Variants in NRXN3 observed in about 807,000 individuals in gnomAD.
The protein encoded by NRXN3 is neurexin III.
A neutral mutation model predicts 137.6 loss-of-function variants in NRXN3; 32 were observed. The ratio of observed to expected loss-of-function variants is 0.23; its 90% CI spans 0.18 to 0.31. The LOEUF (loss-of-function observed/expected upper bound fraction) is 0.31. Ranked by LOEUF, NRXN3 falls within the 10% of genes least tolerant of loss-of-function variation. The pLI is 1.00. For synonymous variants in NRXN3, 798 were observed against 784.5 expected, an observed-to-expected ratio of 1.02 and a Z score of -0.29; for missense variants, 1,574 against 2,062.5, an observed-to-expected ratio of 0.76 and a Z score of 4.59.
chr14:78,753,456 A>G (rs1595525446), intron 8 of NRXN3, among the ~76,000 whole-genome samples: 2 of 152,258 alleles, frequency 1.3e-5, no homozygotes, highest in East Asian at 3.9e-4. Flanking sequence ...TTACAGTAAG[A>G]TATGTTACCT....
chr14:78,817,259 T>C (rs954334635), intron 10 of NRXN3, among the ~76,000 whole-genome samples: 2 of 152,190 alleles, frequency 1.3e-5, no homozygotes, highest in African/African-American at 2.4e-5. Flanking sequence ...TCCTCAATTG[T>C]AAGTTTCATA....
chr14:79,065,056 C>T (rs1008170749), intron 15 of NRXN3, among the ~76,000 whole-genome samples: 21 of 151,840 alleles, frequency 1.4e-4, no homozygotes, highest in East Asian at 1.2e-3. Flanking sequence ...ATACTTCAAA[C>T]GTTTAAAATA....
chr14:79,370,251 T>C (rs2094047947), intron 15 of NRXN3, among the ~76,000 whole-genome samples: 1 of 152,128 alleles, frequency 6.6e-6, no homozygotes, highest in South Asian at 2.1e-4. Flanking sequence ...ACTATTATAA[T>C]CTCTGTTTTA....
chr14:79,022,344 T>C (rs1418491718), intron 15 of NRXN3, among the ~76,000 whole-genome samples: 1 of 152,038 alleles, frequency 6.6e-6, no homozygotes, highest in African/African-American at 2.4e-5. Context: ...TTCCCAATTC[T>C]TTTTTTTAAA....
chr14:79,745,573 A>G (rs781402012), intron 19 of NRXN3, among the ~76,000 whole-genome samples: 1 of 152,204 alleles, frequency 6.6e-6, no homozygotes, highest in Non-Finnish European at 1.5e-5. Flanking sequence ...TCCACAAGAC[A>G]TGATGGGTCT....
intron 15 of NRXN3, among the ~76,000 whole-genome samples, chr14:79,050,436 G>A (rs12883534): frequency 0.023 from 3,577 of 152,252 alleles, 60 homozygotes; most frequent in Non-Finnish European, 0.034. Flanking sequence ...ATTGACAACA[G>A]CACAGTGGTT....
intron 6 of NRXN3, among the ~76,000 whole-genome samples, chr14:78,682,058 C>T (rs963927703): frequency 2.6e-5 from 4 of 151,784 alleles, no homozygotes; most frequent in Middle Eastern, 3.2e-3. Flanking sequence ...AGTAGAGATG[C>T]GGTTTCACCA....
At chr14:78,304,164 T>G (rs2077136200) in intron 4 of NRXN3, among the ~76,000 whole-genome samples, 1 of 152,182 alleles carries the variant, frequency 6.6e-6, no homozygotes. Context: ...GGTCATGAAG[T>G]AAGACCACGT....
At chr14:78,242,237 C>T (rs2153452654) in intron 1 of NRXN3, among the ~76,000 whole-genome samples, 154 bp from the exon 2 acceptor site, 1 of 152,246 alleles carries the variant, frequency 6.6e-6, no homozygotes, top group South Asian at 2.1e-4. Context: ...AACCCACGGC[C>T]TCCCTCCTGT....
intron 4 of NRXN3, among the ~76,000 whole-genome samples, chr14:78,644,826 A>G (rs542481375): frequency 1.3e-5 from 2 of 152,316 alleles, no homozygotes; most frequent in African/African-American, 4.8e-5. Flanking sequence ...TTTTGCATGA[A>G]ACCTCCCTTT....
chr14:79,445,902 A>T (rs1406993682), intron 15 of NRXN3, among the ~76,000 whole-genome samples: 1 of 152,082 alleles, frequency 6.6e-6, no homozygotes, highest in Non-Finnish European at 1.5e-5. Context: ...TGAGCGGGAG[A>T]GTGGTAGGGA....
At chr14:78,743,728 C>T (rs1221714738) in intron 8 of NRXN3, among the ~76,000 whole-genome samples, 1 of 152,136 alleles carries the variant, frequency 6.6e-6, no homozygotes, top group African/African-American at 2.4e-5. Context: ...AAAGCAAGAA[C>T]GAGGTTGTAA....
chr14:79,473,569 A>G (rs1296794744), intron 16 of NRXN3, among the ~76,000 whole-genome samples: 1 of 152,152 alleles, frequency 6.6e-6, no homozygotes, highest in Non-Finnish European at 1.5e-5. Context: ...TTGAGTCAAG[A>G]ACTGTATTTG....
At position 79,629,838 on chromosome 14, in the gene NRXN3, TGTGTGC is replaced by T. The variant is rs886789959; in HGVS notation, c.3445-33934_3445-33929del. 3.2e-4 allele frequency among the ~76,000 whole-genome samples: 27 copies of T among 84,234 alleles called. No individual in the cohort carries two copies. The South Asian group carries it at 4.1e-3, about 13-fold the overall frequency. 55.3% of individuals were successfully genotyped at this position (84,234 alleles called of 152,430 possible). A position where few individuals can be genotyped will look rare whatever the true frequency, so the allele number is the denominator to read the frequency against. On this transcript the variant is annotated intron_variant, in intron 16 of 20. Coordinates refer to ENST00000335750, the MANE Select transcript of NRXN3 (RefSeq NM_001330195.2). ...GCGTGTGTGTGTGCGTGTGTGTGTG[TGTGTGC>T]GTGTGTGTGTGTTATGCACAGTGGC...
intron 4 of NRXN3, among the ~76,000 whole-genome samples, chr14:78,377,672 C>G (rs1471001870): frequency 6.6e-6 from 1 of 152,212 alleles, no homozygotes; most frequent in Non-Finnish European, 1.5e-5. Flanking sequence ...GCTGAGGCCT[C>G]TCTCTTTGGC....
intron 15 of NRXN3, among the ~76,000 whole-genome samples, chr14:79,429,578 A>G (rs1369275731): frequency 6.6e-6 from 1 of 152,224 alleles, no homozygotes; most frequent in Non-Finnish European, 1.5e-5. Flanking sequence ...ATTAAACTGG[A>G]TAGCTCAATA....
intron 15 of NRXN3, among the ~76,000 whole-genome samples, chr14:79,271,897 A>G (rs2079384432): frequency 6.6e-6 from 1 of 152,164 alleles, no homozygotes; most frequent in South Asian, 2.1e-4. Flanking sequence ...CAAACCCTCA[A>G]AACTATTCTA....
chr14:79,725,332 G>C (rs1452140124), intron 19 of NRXN3, among the ~76,000 whole-genome samples: 2 of 152,142 alleles, frequency 1.3e-5, no homozygotes, highest in African/African-American at 4.8e-5. Context: ...CTTTGATGTT[G>C]TCTTTGCTTC....
At chr14:79,154,987 T>G (rs543765522) in intron 15 of NRXN3, among the ~76,000 whole-genome samples, 1 of 152,024 alleles carries the variant, frequency 6.6e-6, no homozygotes, top group African/African-American at 2.4e-5. Context: ...GGATCTCTTA[T>G]GAGTATACAG....
Sources: allele counts gnomAD v4.1 joint callset (sites outside exome capture counted in the v4.1 genomes callset), GRCh38; gene constraint gnomAD v4.1.1; transcripts MANE v1.5; gene names NCBI Gene and HGNC (gene_info 2026-07-23, HGNC 2026-07-21).